CFAP299: variants seen among roughly 807,000 people sequenced by gnomAD.
The protein encoded by CFAP299 is cilia- and flagella-associated protein 299.
In CFAP299, 21 loss-of-function variants were observed where a neutral mutation model predicts 27.0. The observed-to-expected ratio is 0.78, with a 90% confidence interval of 0.55 to 1.12. CFAP299 has a LOEUF of 1.12. Ranked by LOEUF, CFAP299 falls within the 50% of genes most tolerant of loss-of-function variation. CFAP299 has a pLI of 0.00. For synonymous variants in CFAP299, 104 were observed against 98.1 expected, an observed-to-expected ratio of 1.06 and a Z score of -0.36; for missense variants, 310 against 276.6, an observed-to-expected ratio of 1.12 and a Z score of -0.86.
chr4:80,525,443 C>G (rs549928174), intron 2 of CFAP299, among the ~76,000 whole-genome samples: 1 of 152,254 alleles, frequency 6.6e-6, no homozygotes, highest in South Asian at 2.1e-4. Flanking sequence ...CTTACTTCAA[C>G]AATAGAAGAA....
intron 2 of CFAP299, among the ~76,000 whole-genome samples, chr4:80,562,996 C>T (rs999050438): frequency 6.6e-6 from 1 of 151,806 alleles, no homozygotes; most frequent in African/African-American, 2.4e-5. Context: ...CAAGAGGTTT[C>T]AACAATTTTA....
chr4:80,687,930 A>G (rs952363696), intron 3 of CFAP299, among the ~76,000 whole-genome samples: 1 of 152,164 alleles, frequency 6.6e-6, no homozygotes, highest in Non-Finnish European at 1.5e-5. Flanking sequence ...GGGGTGACAG[A>G]CGGCACCTGG....
At chr4:80,637,441 T>C (rs1256893291) in intron 3 of CFAP299, among the ~76,000 whole-genome samples, 2 of 152,242 alleles carry the variant, frequency 1.3e-5, no homozygotes, top group Non-Finnish European at 2.9e-5. Context: ...TGGCAGCATT[T>C]GTCTTTGGTC....
chr4:80,642,513 C>T (rs1397786731), intron 3 of CFAP299, among the ~76,000 whole-genome samples: 1 of 152,164 alleles, frequency 6.6e-6, no homozygotes, highest in African/African-American at 2.4e-5. Flanking sequence ...CGCCCATAAT[C>T]CTAGCACTTT....
At chr4:80,404,837 GT>G (rs951819740) in intron 2 of CFAP299, among the ~76,000 whole-genome samples, 19 of 151,846 alleles carry the variant, frequency 1.3e-4, no homozygotes, top group African/African-American at 3.6e-4. Flanking sequence ...TTTAGTTTTA[GT>G]TTTTTTTAGG....
intron 3 of CFAP299, among the ~76,000 whole-genome samples, chr4:80,622,032 C>G (rs1738631881): frequency 6.6e-6 from 1 of 152,090 alleles, no homozygotes. Flanking sequence ...GTCAGTTAAA[C>G]AAGTTGAGAT....
In CFAP299 at chr4:80,644,480, A is replaced by G. The variant is rs143408741; in HGVS notation, c.333+61297A>G. Reference sequence around the variant, plus strand: ...CACCCAATATTAGAACCTAGACCTAACAATTTCATTCAGTGGTTCTTTCCA... The same window carrying G: ...CACCCAATATTAGAACCTAGACCTAGCAATTTCATTCAGTGGTTCTTTCCA... On this transcript the variant is annotated intron_variant, in intron 3 of 5. Transcript: ENST00000358105. Among the ~76,000 whole-genome samples the G allele has an allele frequency of 2.4e-3, 363 of 152,288 alleles. 1 individual carries two copies. The highest frequency in any genetic ancestry group is 8.3e-3 in the African/African-American group (345 of 41,580).
rs1560418968 is a variant in CFAP299 at position 80,800,452 on chromosome 4, TAATATAATATATAATATATA to T, written c.334-69539_334-69520del. ...TATAATATATAATATATTGATATATTAATATAATATATAATATATAATATATTATATAATATATAATATAT... is the reference window on the plus strand; with the variant it reads ...TATAATATATAATATATTGATATATTATATATTATATAATATATAATATAT... On this transcript the variant is annotated intron_variant, in intron 3 of 5. Coordinates refer to ENST00000358105, the MANE Select transcript of CFAP299 (RefSeq NM_152770.3). 3.4e-4 allele frequency among the ~76,000 whole-genome samples: 15 copies of T among 43,878 alleles called. 1 individual carries two copies. Among genetic ancestry groups the T allele is most frequent in the South Asian group, 2.0e-3 (2 of 1,016 alleles). The allele number at this position is 43,878 out of a possible 152,430, so 28.8% of individuals were successfully genotyped here. A position where few individuals can be genotyped will look rare whatever the true frequency, so the allele number is the denominator to read the frequency against.
At chr4:80,838,684 A>G (rs1374724707) in intron 3 of CFAP299, among the ~76,000 whole-genome samples, 1 of 152,064 alleles carries the variant, frequency 6.6e-6, no homozygotes, top group Non-Finnish European at 1.5e-5. Flanking sequence ...TGTAGTTTGA[A>G]GTCAGGTAGT....
intron 3 of CFAP299, among the ~76,000 whole-genome samples, chr4:80,861,223 G>A (rs1732328603): frequency 6.6e-6 from 1 of 152,220 alleles, no homozygotes; most frequent in African/African-American, 2.4e-5. Context: ...CCAGGTGCAG[G>A]ATATAATCTC....
intron 3 of CFAP299, among the ~76,000 whole-genome samples, chr4:80,591,123 T>TTA (rs1560643035): frequency 2.5e-4 from 34 of 133,758 alleles, no homozygotes; most frequent in African/African-American, 7.4e-4. Context: ...TTTTTTTTTT[T>TTA]TTTTTTTTAT....
intron 2 of CFAP299, among the ~76,000 whole-genome samples, chr4:80,524,973 G>C (rs1461845456): frequency 6.6e-6 from 1 of 152,066 alleles, no homozygotes; most frequent in Admixed American, 6.6e-5. Flanking sequence ...TTGTTACCAT[G>C]TGTCTGTATG....
chr4:80,490,812 T>A lies in CFAP299; in HGVS notation c.243-92281T>A, dbSNP rs550325951. Among the ~76,000 whole-genome samples, 7 of 152,272 alleles carry A rather than the reference T, an allele frequency of 4.6e-5. 1 individual carries two copies. The highest frequency in any genetic ancestry group is 1.7e-4 in the African/African-American group (7 of 41,566). ...GACTTAAGCTATTATAACAATTCAA[T>A]AACTCAGTAAAATTTTTCTGCAGAA... is the stretch of plus-strand genomic sequence containing the variant. On this transcript the variant is annotated intron_variant, in intron 2 of 5. Coordinates refer to ENST00000358105, the MANE Select transcript of CFAP299 (RefSeq NM_152770.3).
chr4:80,417,815 T>C (rs1727090591), intron 2 of CFAP299, among the ~76,000 whole-genome samples: 1 of 151,944 alleles, frequency 6.6e-6, no homozygotes, highest in South Asian at 2.1e-4. Flanking sequence ...TACATGTGTA[T>C]ATATATGTTT....
At chr4:80,878,356 C>T (rs756391692) in intron 4 of CFAP299, among the ~76,000 whole-genome samples, 4 of 151,918 alleles carry the variant, frequency 2.6e-5, no homozygotes, top group Non-Finnish European at 5.9e-5. Flanking sequence ...TTTCTTTATA[C>T]TGGGAGATAA....
intron 3 of CFAP299, among the ~76,000 whole-genome samples, chr4:80,783,339 T>C (rs1203525457): frequency 6.6e-6 from 1 of 152,114 alleles, no homozygotes; most frequent in African/African-American, 2.4e-5. Flanking sequence ...ACCTGAATAC[T>C]AGCAGGCAGG....
rs1243534610 is a variant in CFAP299, at chr4:80,590,159, T to C, written c.333+6976T>C. On this transcript the variant is annotated intron_variant, in intron 3 of 5. Coordinates refer to ENST00000358105, the MANE Select transcript of CFAP299 (RefSeq NM_152770.3). ...ATAGGATCATCTCAAAGACATCGTGTTCAGTTAAAAGGAAAAAAGGCATGT... is the reference window on the plus strand; with the variant it reads ...ATAGGATCATCTCAAAGACATCGTGCTCAGTTAAAAGGAAAAAAGGCATGT... Among the ~76,000 whole-genome samples, 5 of 152,288 alleles carry C rather than the reference T, an allele frequency of 3.3e-5. No individual in the cohort carries two copies. In the South Asian group the frequency reaches 1.0e-3, roughly 32 times the overall value.
intron 3 of CFAP299, among the ~76,000 whole-genome samples, chr4:80,705,175 C>T (rs1291008125): frequency 6.6e-6 from 1 of 151,716 alleles, no homozygotes. Context: ...ATAAATTCAC[C>T]CCCAACATTT....
At chr4:80,716,923 T>C in intron 3 of CFAP299, among the ~76,000 whole-genome samples, 1 of 152,100 alleles carries the variant, frequency 6.6e-6, no homozygotes. Context: ...GAATGTGTTT[T>C]CTGATTTTCT....
Sources: allele counts gnomAD v4.1 joint callset (sites outside exome capture counted in the v4.1 genomes callset), GRCh38; gene constraint gnomAD v4.1.1; transcripts MANE v1.5; gene names NCBI Gene and HGNC (gene_info 2026-07-23, HGNC 2026-07-21).